Variants in NEK1 observed in about 807,000 individuals in gnomAD.
The protein encoded by NEK1 is NIMA related kinase 1.
Under a neutral mutation model 182.1 loss-of-function variants are expected in NEK1, and 137 were observed. That is an observed-to-expected ratio of 0.75 (90% CI 0.65 to 0.87). The LOEUF is 0.87. Among genes scored for constraint, NEK1 ranks in the 40% least tolerant of loss-of-function variants. NEK1 has a pLI of 0.00. For synonymous variants in NEK1, 513 were observed against 492.2 expected, an observed-to-expected ratio of 1.04 and a Z score of -0.56; for missense variants, 1,391 against 1,494.4, an observed-to-expected ratio of 0.93 and a Z score of 1.14.
intron 2 of NEK1, among the ~76,000 whole-genome samples, chr4:169,606,044 C>T (rs769425957): frequency 1.3e-5 from 2 of 151,500 alleles, no homozygotes; most frequent in Non-Finnish European, 2.9e-5. Context: ...ATAGACCTTG[C>T]CAAGTCGACT....
intron 19 of NEK1, among the ~76,000 whole-genome samples, chr4:169,531,483 T>C (rs1225012918): frequency 1.3e-5 from 2 of 151,030 alleles, no homozygotes; most frequent in South Asian, 4.2e-4. Flanking sequence ...ATTACATATA[T>C]ATTATGTATA....
rs555207367 is a variant in NEK1, at chr4:169,501,540, ATAC to A, written c.2007+5494_2007+5496del. ...ATAAATTTTTTAAAAAACTGAAATC[ATAC>A]TAAGCATCTTCTTGGACCATAGTAG... On this transcript the variant is annotated intron_variant, in intron 23 of 35. Coordinates refer to ENST00000507142, the MANE Select transcript of NEK1 (RefSeq NM_001199397.3). 1.8e-3 allele frequency among the ~76,000 whole-genome samples: 277 copies of A among 152,316 alleles called. 1 individual carries two copies. The highest frequency in any genetic ancestry group is 2.1e-3 in the Non-Finnish European group (144 of 68,006).
rs55808187 is a variant in NEK1, at chr4:169,499,208, G to C, written c.2007+7829C>G. Among the ~76,000 whole-genome samples, 600 of 152,256 alleles carry C rather than the reference G, an allele frequency of 3.9e-3. 5 individuals carry two copies. Among genetic ancestry groups the C allele is most frequent in the South Asian group, 0.03 (143 of 4,822 alleles). On this transcript the variant is annotated intron_variant, in intron 23 of 35. Transcript: ENST00000507142. ...GTTGACAAATTGGCTACTGAGGCTT[G>C]TGCATTCGTCACGTAGTTCTTGTGC...
At chr4:169,440,185 A>G (rs1272927471) in intron 27 of NEK1, among the ~76,000 whole-genome samples, 1 of 151,842 alleles carries the variant, frequency 6.6e-6, no homozygotes, top group Non-Finnish European at 1.5e-5. Flanking sequence ...CATAGCAAAA[A>G]GCAATGAAAT....
intron 2 of NEK1, among the ~76,000 whole-genome samples, chr4:169,607,845 G>A (rs1771637773): frequency 6.6e-6 from 1 of 152,000 alleles, no homozygotes; most frequent in Admixed American, 6.6e-5. Context: ...TGGATTTACG[G>A]CAGACAGGAC....
At chr4:169,428,356 A>ATATATATATATATATATATATG (rs1161863761) in intron 29 of NEK1, among the ~76,000 whole-genome samples, 3 of 142,122 alleles carry the variant, frequency 2.1e-5, no homozygotes, top group Non-Finnish European at 3.1e-5. Context: ...TATGGGATAT[A>ATATATATATATATATATATATG]TATATATATA....
At position 169,392,891 on chromosome 4, in the gene NEK1, T is replaced by C. The variant is rs1222388703; in HGVS notation, c.*1619A>G. 2.0e-5 allele frequency: 3 copies of C among 152,152 alleles called. No individual in the cohort carries two copies. Among genetic ancestry groups the C allele is most frequent in the African/African-American group, 4.8e-5 (2 of 41,434 alleles). The allele number at this position is 152,152 out of a possible 1,614,324, so 9.4% of individuals were successfully genotyped here. A position where few individuals can be genotyped will look rare whatever the true frequency, so the allele number is the denominator to read the frequency against. On this transcript the variant is annotated 3_prime_UTR_variant, in exon 36 of 36. Transcript: ENST00000507142. ...ACTTATAATAGACCTTACTGAAAAA[T>C]AGCCCTTTTCCTCACTGGCATAATC...
chr4:169,472,269 C>G (rs1247995485), intron 26 of NEK1, among the ~76,000 whole-genome samples: 1 of 152,168 alleles, frequency 6.6e-6, no homozygotes, highest in Non-Finnish European at 1.5e-5. Context: ...GTTGTATAGG[C>G]ACCCAAGGGA....
At chr4:169,567,669 C>T (rs1324771625) in intron 12 of NEK1, among the ~76,000 whole-genome samples, 1 of 152,200 alleles carries the variant, frequency 6.6e-6, no homozygotes, top group Non-Finnish European at 1.5e-5. Context: ...GCTGGGATTA[C>T]AGGCATGAGG....
chr4:169,500,691 G>A (rs916455252), intron 23 of NEK1, among the ~76,000 whole-genome samples: 4 of 152,182 alleles, frequency 2.6e-5, no homozygotes, highest in African/African-American at 4.8e-5. Context: ...GAGAAATAAA[G>A]TTTTTCCCAG....
intron 19 of NEK1, among the ~76,000 whole-genome samples, chr4:169,535,003 TCC>T (rs1456794197): frequency 6.6e-6 from 1 of 152,014 alleles, no homozygotes. Context: ...ATAAAAACAA[TCC>T]AAATCAACTT....
At chr4:169,406,866 GTTTT>G (rs568558279) in intron 31 of NEK1, 119 bp from the exon 32 acceptor site, 1 of 593,256 alleles carries the variant, frequency 1.7e-6, no homozygotes, top group Non-Finnish European at 2.7e-6. Context: ...CATATAAAAA[GTTTT>G]TTTATATATG....
chr4:169,546,362 T>G (rs1307460218), intron 18 of NEK1, among the ~76,000 whole-genome samples: 1 of 152,224 alleles, frequency 6.6e-6, no homozygotes, highest in African/African-American at 2.4e-5. Context: ...TGTTATGATT[T>G]CCATTCTTTT....
chr4:169,483,908 AT>A (rs1341132308), intron 23 of NEK1, among the ~76,000 whole-genome samples: 1 of 151,912 alleles, frequency 6.6e-6, no homozygotes, highest in African/African-American at 2.4e-5. Flanking sequence ...ACTTTTAAAA[AT>A]ATCTAGAGCT....
chr4:169,589,441 T>C lies in NEK1; in HGVS notation c.464+6A>G, dbSNP rs550184264. 1.1e-5 allele frequency: 16 copies of C among 1,448,142 alleles called. No homozygotes were observed. The East Asian group carries it at 2.0e-4, about 18-fold the overall frequency. The allele number at this position is 1,448,142 out of a possible 1,614,324, so 89.7% of individuals were successfully genotyped here. ...ATATCAAAACAAAGTTTAAAATTCATGTTACCTATTAAGAACTCTAGCAAT... is the reference window on the plus strand; with the variant it reads ...ATATCAAAACAAAGTTTAAAATTCACGTTACCTATTAAGAACTCTAGCAAT... On this transcript the variant is annotated splice_donor_region_variant and intron_variant, in intron 7 of 35. Coordinates refer to ENST00000507142, the MANE Select transcript of NEK1 (RefSeq NM_001199397.3).
chr4:169,433,561 C>T lies in NEK1; in HGVS notation c.2869G>A (p.Glu957Lys), dbSNP rs774768815. Reference sequence around the variant, plus strand: ...TGTACATACTGAGTTTCCTTTGTTTCTTTTTCCTCACTAATCCACACATCA... The same window carrying T: ...TGTACATACTGAGTTTCCTTTGTTTTTTTTTCCTCACTAATCCACACATCA... ...ITDVWISEEKETKETQSADRI... is the reference protein window; with the variant it reads ...ITDVWISEEKKTKETQSADRI... The change falls in exon 29 of 36, where the codon GAA (glutamate) becomes AAA (lysine). Residue 957 changes from glutamate to lysine, a missense_variant. By Grantham distance (56) the Glu-to-Lys change is moderately conservative. Around this residue, in one of 5 missense-constraint regions of NEK1, gnomAD observed 1,216 missense variants for 1,277.6 expected, o/e 0.95. Transcript: ENST00000507142. 14 of 1,609,322 alleles carry T rather than the reference C, an allele frequency of 8.7e-6. No individual in the cohort carries two copies. The highest frequency in any genetic ancestry group is 1.2e-5 in the Non-Finnish European group (14 of 1,178,480).
At chr4:169,425,414 C>T (rs1322576417) in intron 30 of NEK1, among the ~76,000 whole-genome samples, 2 of 149,396 alleles carry the variant, frequency 1.3e-5, no homozygotes, top group Non-Finnish European at 3.0e-5. Flanking sequence ...AGAGTGAGAC[C>T]CTGTCTCTCA....
intron 23 of NEK1, among the ~76,000 whole-genome samples, chr4:169,493,240 C>G (rs1010158364): frequency 1.3e-5 from 2 of 152,034 alleles, no homozygotes; most frequent in Non-Finnish European, 2.9e-5. Flanking sequence ...AGAAGCCAAT[C>G]GAGCATACAC....
intron 18 of NEK1, among the ~76,000 whole-genome samples, chr4:169,552,927 A>G (rs1292597966): frequency 6.6e-6 from 1 of 152,210 alleles, no homozygotes; most frequent in Non-Finnish European, 1.5e-5. Context: ...GATGAAATAC[A>G]TCAAAGATAT....
Sources: gnomAD v4.1 joint callset for allele counts (sites outside exome capture counted in the v4.1 genomes callset) on GRCh38, gnomAD v4.1.1 for gene constraint, gnomAD v4.1.1 regional missense constraint, MANE v1.5 for transcripts, NCBI Gene and HGNC (gene_info 2026-07-23, HGNC 2026-07-21) for gene names.